Variants in PDE10A observed in about 807,000 individuals in gnomAD.
PDE10A encodes the protein phosphodiesterase 10A.
In PDE10A, 39 loss-of-function variants were observed where a neutral mutation model predicts 97.7. The observed-to-expected ratio is 0.40, with a 90% CI of 0.31 to 0.52. PDE10A has a LOEUF of 0.52. Ranked by LOEUF, PDE10A falls within the 20% of genes least tolerant of loss-of-function variation. PDE10A has a pLI of 0.56. For synonymous variants in PDE10A, 371 were observed against 376.8 expected, an observed-to-expected ratio of 0.98 and a Z score of 0.18; for missense variants, 731 against 1,047.8, an observed-to-expected ratio of 0.70 and a Z score of 4.17.
At chr6:165,871,170 A>G (rs1781194930) in intron 1 of PDE10A, among the ~76,000 whole-genome samples, 1 of 152,238 alleles carries the variant, frequency 6.6e-6, no homozygotes, top group Non-Finnish European at 1.5e-5. Context: ...GTCATTACAC[A>G]GCGTACGCAT....
chr6:165,942,282 A>ATG lies in PDE10A; in HGVS notation c.-615+45245_-615+45246dup, dbSNP rs1419217406. ...AGTTTATGATTTTATATATGTATGTATGTGTGTGTATATATATATATACAC... is the reference window on the plus strand; with the variant it reads ...AGTTTATGATTTTATATATGTATGTATGTGTGTGTGTATATATATATATACAC... On this transcript the variant is annotated intron_variant, in intron 1 of 19. Coordinates refer to the PDE10A transcript ENST00000366882. Among the ~76,000 whole-genome samples, 82 of 126,182 alleles carry ATG rather than the reference A, an allele frequency of 6.5e-4. 1 individual carries two copies. Among genetic ancestry groups the ATG allele is most frequent in the African/African-American group, 2.5e-3 (70 of 28,270 alleles). The allele number at this position is 126,182 out of a possible 152,430, so 82.8% of individuals were successfully genotyped here. A position where few individuals can be genotyped will look rare whatever the true frequency, so the allele number is the denominator to read the frequency against.
chr6:165,889,819 C>T (rs1310614579), intron 1 of PDE10A, among the ~76,000 whole-genome samples: 4 of 151,490 alleles, frequency 2.6e-5, no homozygotes, highest in African/African-American at 9.7e-5. Flanking sequence ...CACTCACCTA[C>T]TCCTCCCTCC....
At chr6:165,937,912 C>T (rs1783387655) in intron 1 of PDE10A, among the ~76,000 whole-genome samples, 1 of 152,116 alleles carries the variant, frequency 6.6e-6, no homozygotes, top group Admixed American at 6.5e-5. Flanking sequence ...AAATTCAGGG[C>T]TCTGCAAACC....
intron 2 of PDE10A, among the ~76,000 whole-genome samples, chr6:165,491,490 T>C (rs929537257): frequency 5.9e-5 from 9 of 152,172 alleles, no homozygotes; most frequent in South Asian, 2.1e-4. Context: ...GACCATCAGA[T>C]AGGCCACCAA....
intron 1 of PDE10A, among the ~76,000 whole-genome samples, chr6:165,966,262 C>A (rs189679273): frequency 6.6e-6 from 1 of 152,316 alleles, no homozygotes; most frequent in Non-Finnish European, 1.5e-5. Flanking sequence ...CTGTGAGTTA[C>A]TTTTAAAGGC....
At chr6:165,468,245 ATT>A (rs914985458) in intron 3 of PDE10A, among the ~76,000 whole-genome samples, 1 of 149,518 alleles carries the variant, frequency 6.7e-6, no homozygotes, top group Non-Finnish European at 1.5e-5. Context: ...TGCTAGGCTA[ATT>A]TTTTTTTATT....
chr6:165,858,139 A>C (rs1034389769), intron 1 of PDE10A, among the ~76,000 whole-genome samples: 1 of 152,186 alleles, frequency 6.6e-6, no homozygotes, highest in African/African-American at 2.4e-5. Flanking sequence ...ATTAATTTTA[A>C]ATAAATTGAG....
chr6:165,713,324 A>G (rs777876765), intron 1 of PDE10A, among the ~76,000 whole-genome samples: 6 of 152,252 alleles, frequency 3.9e-5, no homozygotes, highest in Non-Finnish European at 8.8e-5. Flanking sequence ...TACCATGCAT[A>G]AAGAGTATGC....
intron 1 of PDE10A, among the ~76,000 whole-genome samples, chr6:165,712,717 G>T (rs1456409147): frequency 2.2e-5 from 3 of 137,532 alleles, no homozygotes; most frequent in African/African-American, 8.2e-5. Flanking sequence ...TCGGCTCACT[G>T]CAAGCTCTGC....
chr6:165,764,383 A>C (rs970519626), intron 1 of PDE10A, among the ~76,000 whole-genome samples: 4 of 152,212 alleles, frequency 2.6e-5, no homozygotes, highest in African/African-American at 9.6e-5. Context: ...GTTTGCAAAA[A>C]ATCAAACAGC....
chr6:165,641,520 T>C (rs1789133280), intron 1 of PDE10A, among the ~76,000 whole-genome samples: 1 of 146,216 alleles, frequency 6.8e-6, no homozygotes, highest in South Asian at 2.2e-4. Context: ...ATCTGGCAAA[T>C]GCTTCCCCAG....
intron 2 of PDE10A, among the ~76,000 whole-genome samples, chr6:165,534,123 C>T (rs1782940651): frequency 6.6e-6 from 1 of 151,664 alleles, no homozygotes; most frequent in African/African-American, 2.4e-5. Flanking sequence ...TAACAGATAC[C>T]ACAGAAATTT....
intron 13 of PDE10A, among the ~76,000 whole-genome samples, chr6:165,401,328 A>T (rs774110802): frequency 6.6e-6 from 1 of 152,190 alleles, no homozygotes; most frequent in Non-Finnish European, 1.5e-5. Flanking sequence ...TCACAGCATG[A>T]ATTTCTTTGG....
At chr6:165,651,555 G>A (rs1201028416) in intron 1 of PDE10A, among the ~76,000 whole-genome samples, 1 of 152,200 alleles carries the variant, frequency 6.6e-6, no homozygotes, top group Non-Finnish European at 1.5e-5. Flanking sequence ...AGAGGCACCA[G>A]GGCCTCAACA....
chr6:165,797,406 G>C (rs1562741705), intron 1 of PDE10A, among the ~76,000 whole-genome samples: 1 of 152,166 alleles, frequency 6.6e-6, no homozygotes, highest in Non-Finnish European at 1.5e-5. Flanking sequence ...ACATATACGA[G>C]TGTGGATTTT....
In PDE10A at chr6:165,892,769, G is replaced by C. The variant is rs116983004; in HGVS notation, c.-615+94760C>G. On this transcript the variant is annotated intron_variant, in intron 1 of 19. Coordinates refer to the PDE10A transcript ENST00000366882. ...GGAGTGTCATGCCTCACCCTCCCCA[G>C]GAATAGTCGGGAGAATTACACTGTT... Among the ~76,000 whole-genome samples the C allele has an allele frequency of 8.9e-3, 1,357 of 152,284 alleles. 8 individuals are homozygous for C. Among genetic ancestry groups the C allele is most frequent in the Non-Finnish European group, 0.013 (877 of 68,030 alleles).
intron 1 of PDE10A, among the ~76,000 whole-genome samples, chr6:165,924,394 T>C (rs1198469631): frequency 6.6e-6 from 1 of 152,094 alleles, no homozygotes; most frequent in Non-Finnish European, 1.5e-5. Context: ...TCCCCCTCTG[T>C]GTGTACAGTT....
At chr6:165,888,280 GCTTTT>G (rs1239583195) in intron 1 of PDE10A, among the ~76,000 whole-genome samples, 4 of 147,740 alleles carry the variant, frequency 2.7e-5, no homozygotes, top group South Asian at 2.1e-4. Context: ...ACCTATGCTT[GCTTTT>G]CTTTTCTTTT....
chr6:165,520,611 A>C (rs982364976), intron 2 of PDE10A, among the ~76,000 whole-genome samples: 2 of 152,152 alleles, frequency 1.3e-5, no homozygotes, highest in African/African-American at 2.4e-5. Flanking sequence ...CCAGGCCCAG[A>C]GCTACTTATA....
Sources: gnomAD v4.1 joint callset for allele counts (sites outside exome capture counted in the v4.1 genomes callset) on GRCh38, gnomAD v4.1.1 for gene constraint, MANE v1.5 for transcripts, NCBI Gene and HGNC (gene_info 2026-07-23, HGNC 2026-07-21) for gene names.